Variants in RBFOX1 observed in about 807,000 individuals in gnomAD.
RBFOX1 encodes RNA binding protein fox-1 homolog 1.
In RBFOX1, 8 loss-of-function variants were observed where a neutral mutation model predicts 57.7. The ratio of observed to expected loss-of-function variants is 0.14; its 90% CI spans 0.08 to 0.25. The LOEUF is 0.25. Ranked by LOEUF, RBFOX1 falls within the 10% of genes least tolerant of loss-of-function variation. The pLI is 1.00. For missense variants in RBFOX1, 611 were observed against 548.5 expected (o/e 1.11, Z -1.14); for synonymous variants, 326 against 222.4 (o/e 1.47, Z -4.15).
intron 11 of RBFOX1, among the ~76,000 whole-genome samples, chr16:7,651,250 G>A (rs571699148): frequency 1.2e-4 from 19 of 152,312 alleles, no homozygotes; most frequent in African/African-American, 4.1e-4. Context: ...TAGCCATTTG[G>A]TCTTCACTTT....
At chr16:5,475,337 G>A (rs35433799) in intron 2 of RBFOX1, among the ~76,000 whole-genome samples, 224 of 152,284 alleles carry the variant, frequency 1.5e-3, no homozygotes, top group African/African-American at 5.2e-3. Context: ...TTCGATTTAA[G>A]TTGAGCCTTG....
intron 11 of RBFOX1, among the ~76,000 whole-genome samples, chr16:7,649,313 T>C (rs554959764): frequency 7.9e-5 from 12 of 152,232 alleles, no homozygotes; most frequent in Non-Finnish European, 1.6e-4. Flanking sequence ...GAATCAATAT[T>C]ATCTTTAAAG....
rs1305206706 is a variant in RBFOX1, at chr16:7,001,477, G to T, written c.-15-50580G>T. ...ATGTATACGTGTATGTATATTTTGA[G>T]ATGGAGTCTCGCTTTGTTGCCGAGG... On this transcript the variant is annotated intron_variant, in intron 3 of 15. Coordinates refer to ENST00000550418, the MANE Select transcript of RBFOX1 (RefSeq NM_018723.4). Among the ~76,000 whole-genome samples, 7 of 149,832 alleles carry T rather than the reference G, an allele frequency of 4.7e-5. No individual in the cohort carries two copies. In the South Asian group the frequency reaches 1.1e-3, roughly 23 times the overall value.
At chr16:6,263,560 T>G (rs1434118483) in intron 1 of RBFOX1, among the ~76,000 whole-genome samples, 35 of 152,178 alleles carry the variant, frequency 2.3e-4, no homozygotes, top group Admixed American at 2.2e-3. Context: ...CTGACAGATG[T>G]GGCATATCTT....
intron 4 of RBFOX1, among the ~76,000 whole-genome samples, chr16:7,499,042 C>G: frequency 6.6e-6 from 1 of 152,194 alleles, no homozygotes; most frequent in Middle Eastern, 3.4e-3. Context: ...GTGACTAGCA[C>G]GTAATAGATG....
intron 1 of RBFOX1, among the ~76,000 whole-genome samples, chr16:6,083,215 C>G (rs996825624): frequency 1.3e-5 from 2 of 152,074 alleles, no homozygotes; most frequent in South Asian, 2.1e-4. Context: ...GATGGCCAAG[C>G]TGGTTTTGAA....
Position 6,972,131 on chromosome 16 carries a change from C to T in RBFOX1, c.-15-79926C>T, listed in dbSNP as rs559538000. On this transcript the variant is annotated intron_variant, in intron 3 of 15. Transcript: ENST00000550418. ...GCACACAACATCTAACCATCTTAAC[C>T]ATTTGTAAGAATATAGTTCAGTAGT... Among the ~76,000 whole-genome samples the T allele has an allele frequency of 2.0e-5, 3 of 152,230 alleles. No homozygotes were observed. In the East Asian group the frequency reaches 5.8e-4, roughly 29 times the overall value.
chr16:6,042,649 T>C (rs1253652033), intron 1 of RBFOX1, among the ~76,000 whole-genome samples: 1 of 152,190 alleles, frequency 6.6e-6, no homozygotes, highest in Non-Finnish European at 1.5e-5. Flanking sequence ...TGAGTGACCA[T>C]GGCCTGGGAA....
At chr16:6,620,347 G>C (rs939713171) in intron 2 of RBFOX1, among the ~76,000 whole-genome samples, 1 of 152,180 alleles carries the variant, frequency 6.6e-6, no homozygotes, top group African/African-American at 2.4e-5. Context: ...AGCTAAGGCA[G>C]TGTTAAGAGG....
chr16:5,428,924 G>T (rs559003566), intron 1 of RBFOX1, among the ~76,000 whole-genome samples: 4 of 152,272 alleles, frequency 2.6e-5, no homozygotes, highest in African/African-American at 9.6e-5. Context: ...GGTATAAGGT[G>T]ATCTTTATGG....
At chr16:7,003,221 G>A (rs1219947136) in intron 3 of RBFOX1, among the ~76,000 whole-genome samples, 1 of 152,104 alleles carries the variant, frequency 6.6e-6, no homozygotes. Context: ...AGCACTTTGG[G>A]AGGCCGAGGT....
At chr16:5,708,511 C>T (rs1365121982) in intron 3 of RBFOX1, among the ~76,000 whole-genome samples, 1 of 152,174 alleles carries the variant, frequency 6.6e-6, no homozygotes, top group Admixed American at 6.5e-5. Context: ...TCTGTGTCTT[C>T]CATCTCTTTG....
intron 1 of RBFOX1, among the ~76,000 whole-genome samples, chr16:5,313,240 G>A (rs2064139992): frequency 6.6e-6 from 1 of 152,092 alleles, no homozygotes; most frequent in Admixed American, 6.6e-5. Context: ...CAACCCTTAG[G>A]ACCTCTAATT....
chr16:6,985,168 G>C (rs1318370624), intron 3 of RBFOX1, among the ~76,000 whole-genome samples: 3 of 134,170 alleles, frequency 2.2e-5, no homozygotes, highest in East Asian at 2.4e-4. Flanking sequence ...CTGTAGCATA[G>C]TATGGTTTAA....
chr16:6,091,805 T>C (rs988834466), intron 1 of RBFOX1, among the ~76,000 whole-genome samples: 2 of 152,208 alleles, frequency 1.3e-5, no homozygotes, highest in Non-Finnish European at 2.9e-5. Context: ...CACTCCACCC[T>C]GTATGACACA....
intron 2 of RBFOX1, among the ~76,000 whole-genome samples, chr16:6,590,980 C>T (rs1301161799): frequency 6.6e-6 from 1 of 152,122 alleles, no homozygotes; most frequent in African/African-American, 2.4e-5. Context: ...CTGGACTACA[C>T]TTTGGGAAGG....
At chr16:7,689,603 G>C (rs758589207) in intron 14 of RBFOX1, among the ~76,000 whole-genome samples, 4 of 152,054 alleles carry the variant, frequency 2.6e-5, no homozygotes, top group Non-Finnish European at 5.9e-5. Context: ...GAGCACTCTA[G>C]GCATTCTTAT....
chr16:6,731,174 G>A (rs923618023), intron 3 of RBFOX1, among the ~76,000 whole-genome samples: 7 of 152,098 alleles, frequency 4.6e-5, no homozygotes, highest in African/African-American at 1.7e-4. Context: ...AATTATCTAA[G>A]ATGCAAAAAT....
chr16:6,478,224 CT>C (rs540210936), intron 2 of RBFOX1, among the ~76,000 whole-genome samples: 4,733 of 132,276 alleles, frequency 0.036, 307 homozygotes, highest in African/African-American at 0.12. Context: ...CCTGTCCCAG[CT>C]TTTTTTTTTT....
Sources: gnomAD v4.1 joint callset for allele counts (sites outside exome capture counted in the v4.1 genomes callset) on GRCh38, gnomAD v4.1.1 for gene constraint, MANE v1.5 for transcripts, NCBI Gene and HGNC (gene_info 2026-07-23, HGNC 2026-07-21) for gene names.